The following RBFOX1 variants were observed in gnomAD, a reference collection of about 807,000 sequenced individuals.
The protein encoded by RBFOX1 is RNA binding protein fox-1 homolog 1.
A neutral mutation model predicts 57.7 loss-of-function variants in RBFOX1; 8 were observed. The ratio of observed to expected loss-of-function variants is 0.14; its 90% CI spans 0.08 to 0.25. The LOEUF (loss-of-function observed/expected upper bound fraction) is 0.25, where lower values mean the gene tolerates loss of function less well. Ranked by LOEUF, RBFOX1 falls within the 10% of genes least tolerant of loss-of-function variation. The probability of loss-of-function intolerance (pLI) is 1.00; values close to 1 mark genes in which losing one functional copy is unlikely to be tolerated. For missense variants in RBFOX1, 611 were observed against 548.5 expected, an observed-to-expected ratio of 1.11 and a Z score of -1.14; for synonymous variants, 326 against 222.4, an observed-to-expected ratio of 1.47 and a Z score of -4.15.
chr16:7,437,832 C>A (rs1280705456), intron 4 of RBFOX1, among the ~76,000 whole-genome samples: 2 of 150,366 alleles, frequency 1.3e-5, no homozygotes, highest in Non-Finnish European at 2.9e-5. Context: ...CCTTCTGCAA[C>A]TTGACAGGAG....
chr16:7,155,738 TACACACACACACAC>T (rs138509367), intron 4 of RBFOX1, among the ~76,000 whole-genome samples: 1 of 75,528 alleles, frequency 1.3e-5, no homozygotes, highest in Non-Finnish European at 2.2e-5. Flanking sequence ...TATATATATA[TACACACACACACAC>T]ACACACACAC....
At chr16:7,673,395 C>G (rs999975601) in intron 13 of RBFOX1, among the ~76,000 whole-genome samples, 9 of 152,064 alleles carry the variant, frequency 5.9e-5, no homozygotes, top group Admixed American at 5.9e-4. Flanking sequence ...CATTAATACC[C>G]CACAAGCATA....
At chr16:5,616,239 C>T (rs754018453) in intron 3 of RBFOX1, 2 of 152,388 alleles carry the variant, frequency 1.3e-5, no homozygotes. Flanking sequence ...AACCCCAGCA[C>T]CACCCTCTGC....
chr16:7,607,391 T>G (rs2095319953), intron 10 of RBFOX1, 53 bp downstream of exon 10: 1 of 1,512,570 alleles, frequency 6.6e-7, no homozygotes, highest in Admixed American at 1.8e-5. Context: ...AAATGTGCTT[T>G]GCCTGCCAAG....
intron 3 of RBFOX1, among the ~76,000 whole-genome samples, chr16:5,763,991 C>G (rs940542684): frequency 2.6e-5 from 4 of 152,126 alleles, no homozygotes; most frequent in African/African-American, 7.2e-5. Flanking sequence ...ACACATGCAC[C>G]TCAAGGGCAG....
chr16:6,706,817 G>T (rs1208665202), intron 3 of RBFOX1, among the ~76,000 whole-genome samples: 11 of 151,620 alleles, frequency 7.3e-5, no homozygotes. Flanking sequence ...TCCTGTTTAG[G>T]GTATCTGTAA....
In RBFOX1 at chr16:7,464,554, G is replaced by A. The variant is rs11648139; in HGVS notation, c.28-53593G>A. Among the ~76,000 whole-genome samples, 466 of 152,156 alleles carry A rather than the reference G, an allele frequency of 3.1e-3. 6 individuals are homozygous for A. The highest frequency in any genetic ancestry group is 5.5e-3 in the Non-Finnish European group (372 of 68,000). On this transcript the variant is annotated intron_variant, in intron 4 of 15. Transcript: ENST00000550418. ...TCACCCCTTTCAGGGACATCTACAA[G>A]CTATTGTTAAAAATCCCTGAGTGTT...
intron 3 of RBFOX1, among the ~76,000 whole-genome samples, chr16:6,660,583 A>G (rs1373003796): frequency 1.3e-5 from 2 of 152,088 alleles, no homozygotes; most frequent in Non-Finnish European, 2.9e-5. Context: ...GCCCTCCCAA[A>G]TAGCAACTCT....
chr16:7,098,927 C>T (rs984633836), intron 4 of RBFOX1, among the ~76,000 whole-genome samples: 3 of 152,102 alleles, frequency 2.0e-5, no homozygotes, highest in Non-Finnish European at 4.4e-5. Flanking sequence ...TTACTAGTGC[C>T]TGAGGTTGTT....
At chr16:7,120,836 C>G (rs921823013) in intron 4 of RBFOX1, among the ~76,000 whole-genome samples, 3 of 140,788 alleles carry the variant, frequency 2.1e-5, no homozygotes, top group Non-Finnish European at 4.6e-5. Flanking sequence ...TATATACACA[C>G]ACACACACAC....
At chr16:5,403,962 G>C (rs989728199) in intron 1 of RBFOX1, among the ~76,000 whole-genome samples, 3 of 151,664 alleles carry the variant, frequency 2.0e-5, no homozygotes, top group African/African-American at 7.3e-5. Context: ...GACATGCAAT[G>C]ACAAGAAGGA....
At chr16:6,192,843 A>C (rs2097150544) in intron 1 of RBFOX1, among the ~76,000 whole-genome samples, 1 of 152,216 alleles carries the variant, frequency 6.6e-6, no homozygotes, top group Admixed American at 6.5e-5. Context: ...CATTAATAAA[A>C]AGCATCTTTA....
At chr16:6,680,114 A>T (rs1316770887) in intron 3 of RBFOX1, among the ~76,000 whole-genome samples, 3 of 151,954 alleles carry the variant, frequency 2.0e-5, no homozygotes, top group African/African-American at 4.8e-5. Flanking sequence ...CTCATCTGTA[A>T]AATGGGGTCA....
intron 10 of RBFOX1, among the ~76,000 whole-genome samples, chr16:7,612,944 A>T (rs2057800773): frequency 6.6e-6 from 1 of 152,196 alleles, no homozygotes; most frequent in Non-Finnish European, 1.5e-5. Flanking sequence ...GAACACACAT[A>T]ACTCACTTCC....
At chr16:7,492,144 G>C (rs970182103) in intron 4 of RBFOX1, among the ~76,000 whole-genome samples, 1 of 152,178 alleles carries the variant, frequency 6.6e-6, no homozygotes, top group African/African-American at 2.4e-5. Context: ...TACTTAGCAT[G>C]ATTTTGTCTG....
chr16:5,810,103 C>T (rs11647096), intron 3 of RBFOX1, among the ~76,000 whole-genome samples: 1 of 151,158 alleles, frequency 6.6e-6, no homozygotes, highest in South Asian at 2.1e-4. Flanking sequence ...TATATTCTCA[C>T]TCACAGGTGG....
intron 3 of RBFOX1, among the ~76,000 whole-genome samples, chr16:6,719,097 G>T (rs556002891): frequency 6.6e-6 from 1 of 152,142 alleles, no homozygotes; most frequent in South Asian, 2.1e-4. Context: ...GAACTCCTGG[G>T]CTCAAGGGAT....
At chr16:6,935,175 A>G (rs2077167707) in intron 3 of RBFOX1, among the ~76,000 whole-genome samples, 1 of 152,216 alleles carries the variant, frequency 6.6e-6, no homozygotes, top group Admixed American at 6.5e-5. Context: ...TAATTTTCCC[A>G]TCATCGAAGT....
intron 4 of RBFOX1, among the ~76,000 whole-genome samples, chr16:5,915,493 G>T (rs1393727875): frequency 6.6e-6 from 1 of 152,116 alleles, no homozygotes; most frequent in East Asian, 1.9e-4. Flanking sequence ...GAGACGGCAG[G>T]GTTCCTTCAG....
Sources: allele counts gnomAD v4.1 joint callset (sites outside exome capture counted in the v4.1 genomes callset), GRCh38; gene constraint gnomAD v4.1.1; transcripts MANE v1.5; gene names NCBI Gene and HGNC (gene_info 2026-07-23, HGNC 2026-07-21).